TANC1: variants seen among roughly 807,000 people sequenced by gnomAD.
The protein encoded by TANC1 is protein TANC1.
Under a neutral mutation model 149.7 loss-of-function variants are expected in TANC1, and 77 were observed. The observed-to-expected ratio is 0.51, with a 90% CI of 0.43 to 0.62. The LOEUF (loss-of-function observed/expected upper bound fraction) is 0.62. Ranked by LOEUF, TANC1 falls within the 20% of genes least tolerant of loss-of-function variation. TANC1 has a pLI of 0.00. For synonymous variants in TANC1, 854 were observed against 925.0 expected (o/e 0.92, Z 1.39); for missense variants, 1,985 against 2,321.8 (o/e 0.85, Z 2.98).
intron 3 of TANC1, among the ~76,000 whole-genome samples, chr2:159,082,084 G>T (rs527754348): frequency 6.6e-6 from 1 of 152,368 alleles, no homozygotes; most frequent in Admixed American, 6.5e-5. Flanking sequence ...ATCTGGGGGT[G>T]CCCTGCTCAG....
At chr2:159,183,951 C>G (rs530120912) in intron 14 of TANC1, among the ~76,000 whole-genome samples, 79 of 152,260 alleles carry the variant, frequency 5.2e-4, no homozygotes, top group South Asian at 3.7e-3. Flanking sequence ...ATTGTTCCCC[C>G]ATAGAATCCC....
chr2:159,105,096 G>A (rs1421004672), intron 4 of TANC1, among the ~76,000 whole-genome samples: 1 of 123,474 alleles, frequency 8.1e-6, no homozygotes, highest in African/African-American at 3.0e-5. Context: ...CCAGGTTCAC[G>A]CCATTCTCCT....
At chr2:159,071,704 A>G (rs2043168839) in intron 3 of TANC1, among the ~76,000 whole-genome samples, 1 of 152,190 alleles carries the variant, frequency 6.6e-6, no homozygotes. Flanking sequence ...TTTTATGTAG[A>G]AAATACGAAG....
chr2:159,040,596 A>G (rs1006272776), intron 2 of TANC1, among the ~76,000 whole-genome samples: 2 of 152,068 alleles, frequency 1.3e-5, no homozygotes, highest in African/African-American at 2.4e-5. Context: ...TCGTGCCATG[A>G]TTTTCAGCTC....
At chr2:159,019,195 TCGAG>T (rs1026513919) in intron 2 of TANC1, among the ~76,000 whole-genome samples, 4 of 152,164 alleles carry the variant, frequency 2.6e-5, no homozygotes, top group Non-Finnish European at 5.9e-5. Flanking sequence ...CCAAGCTCCT[TCGAG>T]CACCTTAGGT....
chr2:159,169,458 C>CATAT, intron 9 of TANC1, 86 bp downstream of exon 9: 1 of 1,381,758 alleles, frequency 7.2e-7, no homozygotes, highest in East Asian at 2.3e-5. Flanking sequence ...GCATTGAAGC[C>CATAT]AACTGTGTTT....
rs534999204 is a variant in TANC1, at chr2:159,152,601, C to T, written c.682+2045C>T. Among the ~76,000 whole-genome samples, 383 of 152,170 alleles carry T rather than the reference C, an allele frequency of 2.5e-3. 2 individuals are homozygous for T. The highest frequency in any genetic ancestry group is 8.7e-3 in the African/African-American group (361 of 41,508). On this transcript the variant is annotated intron_variant, in intron 7 of 26. Coordinates refer to ENST00000263635, the MANE Select transcript of TANC1 (RefSeq NM_033394.3). ...AACTTCTGGGCTAATGCAATCCTCC[C>T]ACCTCAGGTTCCCGGGTAGTTGGGA...
intron 5 of TANC1, chr2:159,148,460 A>G (rs999967623): frequency 6.6e-6 from 1 of 152,270 alleles, no homozygotes; most frequent in Non-Finnish European, 1.5e-5. Flanking sequence ...ATTGCTGTGC[A>G]GCATTCTGAG....
intron 4 of TANC1, among the ~76,000 whole-genome samples, chr2:159,112,368 G>T (rs2047814923): frequency 6.6e-6 from 1 of 152,038 alleles, no homozygotes; most frequent in South Asian, 2.1e-4. Flanking sequence ...TGATTCTCCT[G>T]CTTCACCCTC....
At chr2:158,977,151 AT>A (rs2033781413) in intron 1 of TANC1, among the ~76,000 whole-genome samples, 1 of 151,684 alleles carries the variant, frequency 6.6e-6, no homozygotes, top group African/African-American at 2.4e-5. Context: ...TTTACTTTTT[AT>A]TTTTTTAGAG....
intron 2 of TANC1, among the ~76,000 whole-genome samples, chr2:159,028,519 T>A (rs2039532173): frequency 6.6e-6 from 1 of 152,246 alleles, no homozygotes; most frequent in African/African-American, 2.4e-5. Context: ...CTTGAGTTTG[T>A]ATCCTCATAT....
chr2:158,996,733 G>A lies in TANC1; in HGVS notation c.-125-4347G>A, dbSNP rs80196935. 2.2e-3 allele frequency among the ~76,000 whole-genome samples: 338 copies of A among 152,164 alleles called. 2 individuals carry two copies. The highest frequency in any genetic ancestry group is 7.5e-3 in the African/African-American group (311 of 41,512). On this transcript the variant is annotated intron_variant, in intron 1 of 26. Coordinates refer to ENST00000263635, the MANE Select transcript of TANC1 (RefSeq NM_033394.3). ...TATTAGTATCTGAGTAATTTACTTC[G>A]TGGTCCAGAACTGAGCTAGGTGTCA...
At chr2:159,109,909 G>A (rs2047556949) in intron 4 of TANC1, among the ~76,000 whole-genome samples, 1 of 152,196 alleles carries the variant, frequency 6.6e-6, no homozygotes, top group South Asian at 2.1e-4. Context: ...CCTTTAAGTG[G>A]AAAGGCAAAA....
chr2:158,970,941 A>G (rs1357269700), intron 1 of TANC1, among the ~76,000 whole-genome samples: 1 of 152,238 alleles, frequency 6.6e-6, no homozygotes, highest in Non-Finnish European at 1.5e-5. Flanking sequence ...TGGTTTAACC[A>G]CCAGAATGCC....
intron 21 of TANC1, 27 bp from the exon 22 acceptor site, chr2:159,219,665 T>C: frequency 2.5e-6 from 4 of 1,613,976 alleles, no homozygotes; most frequent in Non-Finnish European, 3.4e-6. Flanking sequence ...ATAATGTTCA[T>C]GTTCTGTGAA....
chr2:159,188,095 C>T (rs2057150375), intron 16 of TANC1, among the ~76,000 whole-genome samples: 1 of 152,204 alleles, frequency 6.6e-6, no homozygotes, highest in African/African-American at 2.4e-5. Flanking sequence ...ACATCTACAC[C>T]ATCTCCGAAA....
At chr2:158,993,938 A>G (rs1006180914) in intron 1 of TANC1, among the ~76,000 whole-genome samples, 4 of 152,192 alleles carry the variant, frequency 2.6e-5, no homozygotes, top group Non-Finnish European at 5.9e-5. Flanking sequence ...TGTTCATTTG[A>G]CACTATCACT....
chr2:159,012,802 T>TA (rs1370329731), intron 2 of TANC1, among the ~76,000 whole-genome samples: 3 of 152,172 alleles, frequency 2.0e-5, no homozygotes, highest in African/African-American at 7.2e-5. Context: ...CTACTTTTTT[T>TA]AAAAAAGGGA....
chr2:159,170,854 G>A, intron 10 of TANC1, 49 bp downstream of exon 10: 1 of 1,580,608 alleles, frequency 6.3e-7, no homozygotes, highest in Non-Finnish European at 8.6e-7. Flanking sequence ...TAAGATAGAT[G>A]GAGGAAATTG....
Sources: gnomAD v4.1 joint callset for allele counts (sites outside exome capture counted in the v4.1 genomes callset) on GRCh38, gnomAD v4.1.1 for gene constraint, MANE v1.5 for transcripts, NCBI Gene and HGNC (gene_info 2026-07-23, HGNC 2026-07-21) for gene names.